Variants in CAPN1 observed in about 807,000 individuals in gnomAD.
CAPN1 encodes the protein calpain-1 catalytic subunit.
Under a neutral mutation model 105.2 loss-of-function variants are expected in CAPN1, and 77 were observed. The observed-to-expected ratio is 0.73, with a 90% CI of 0.61 to 0.88. The LOEUF (loss-of-function observed/expected upper bound fraction) is 0.88, where lower values mean the gene tolerates loss of function less well. Among genes scored for constraint, CAPN1 ranks in the 40% least tolerant of loss-of-function variants. The pLI is 0.00. For synonymous variants in CAPN1, 355 were observed against 388.8 expected, an observed-to-expected ratio of 0.91 and a Z score of 1.02; for missense variants, 833 against 976.6, an observed-to-expected ratio of 0.85 and a Z score of 1.96.
chr11:65,210,226 G>T lies in CAPN1; in HGVS notation c.1943-110G>T. ...CAGCCATCTTGTCCTTTTCCCCACGGTTACTAGCACCCTGCCTAGCCCCAG... is the reference window on the plus strand; with the variant it reads ...CAGCCATCTTGTCCTTTTCCCCACGTTTACTAGCACCCTGCCTAGCCCCAG... On this transcript the variant is annotated intron_variant, in intron 19 of 21. Transcript: ENST00000279247. This position sits in a 1 kb window ranked among gnomAD's most constrained non-coding sequence, Gnocchi z 4.3. 8.9e-7 allele frequency: 1 copy of T among 1,124,242 alleles called. No individual in the cohort carries two copies. Among genetic ancestry groups the T allele is most frequent in the Non-Finnish European group, 1.3e-6 (1 of 752,058 alleles). 69.6% of individuals were successfully genotyped at this position (1,124,242 alleles called of 1,614,324 possible). A position where few individuals can be genotyped will look rare whatever the true frequency, so the allele number is the denominator to read the frequency against.
rs561601246 is a variant in CAPN1 at position 65,210,392 on chromosome 11, G to A, written c.1999G>A (p.Asp667Asn). The A allele has an allele frequency of 2.3e-5, 37 of 1,613,264 alleles. No homozygotes were observed. Among genetic ancestry groups the A allele is most frequent in the Middle Eastern group, 3.3e-4 (2 of 6,084 alleles). The change falls in exon 20 of 22, where the codon GAC (aspartate) becomes AAC (asparagine). Residue 667 changes from aspartate to asparagine, a missense_variant. Transcript: ENST00000279247. This position sits in a 1 kb window ranked among gnomAD's most constrained non-coding sequence, Gnocchi z 4.3. ...ELIITRYSEP[D>N]LAVDFDNFVC... Reference sequence around the variant, plus strand: ...CATCATCACCCGCTACTCGGAGCCCGACCTGGCGGTCGACTTTGACAATTT... The same window carrying A: ...CATCATCACCCGCTACTCGGAGCCCAACCTGGCGGTCGACTTTGACAATTT...
rs1019405632 is a variant in CAPN1, at chr11:65,211,721, C to T, written c.*435C>T. ...AGTCCAGGCGTGTGGAGCCGCCTCC[C>T]GGCTCGGGGAGGCCCCGGGGCTGGG... is the stretch of plus-strand genomic sequence containing the variant. On this transcript the variant is annotated 3_prime_UTR_variant, in exon 22 of 22. Coordinates refer to ENST00000279247, the MANE Select transcript of CAPN1 (RefSeq NM_005186.4). 1.5e-4 allele frequency: 26 copies of T among 173,950 alleles called. No homozygotes were observed. Among genetic ancestry groups the T allele is most frequent in the Admixed American group, 3.5e-4 (6 of 17,100 alleles). The allele number at this position is 173,950 out of a possible 1,614,324, so 10.8% of individuals were successfully genotyped here.
chr11:65,190,146 C>T (rs1441963656), intron 10 of CAPN1, among the ~76,000 whole-genome samples: 1 of 152,252 alleles, frequency 6.6e-6, no homozygotes, highest in East Asian at 1.9e-4. Context: ...AGTCCTCTGT[C>T]TTAACACAAA....
intron 4 of CAPN1, among the ~76,000 whole-genome samples, chr11:65,185,359 T>G (rs962838030): frequency 6.6e-6 from 1 of 152,094 alleles, no homozygotes; most frequent in Non-Finnish European, 1.5e-5. Flanking sequence ...AGTCTTGTTA[T>G]GTAGATGAAA....
chr11:65,200,660 A>G (rs956238063), intron 10 of CAPN1, among the ~76,000 whole-genome samples: 5 of 151,778 alleles, frequency 3.3e-5, no homozygotes, highest in Admixed American at 1.3e-4. Flanking sequence ...TCTTTTTTTG[A>G]GACAGTGTCT....
intron 4 of CAPN1, 152 bp from the exon 5 acceptor site, chr11:65,185,765 A>C: frequency 1.3e-6 from 1 of 752,568 alleles, no homozygotes; most frequent in African/African-American, 1.8e-5. Flanking sequence ...CCTAGTATAC[A>C]TCTAGTATGT....
rs1414687814 is a variant in CAPN1, at chr11:65,210,029, G to A, written c.1875G>A (p.Arg625=). 3.1e-6 allele frequency: 5 copies of A among 1,613,046 alleles called. No homozygotes were observed. The highest frequency in any genetic ancestry group is 1.6e-4 in the Middle Eastern group (1 of 6,080). The change falls in exon 19 of 22, where the codon CGG becomes CGA. Residue 625 remains arginine (R), a synonymous_variant. Coordinates refer to ENST00000279247, the MANE Select transcript of CAPN1 (RefSeq NM_005186.4). The surrounding 1 kb of genome is among the most constrained non-coding windows in gnomAD (Gnocchi z 4.3). ...NRIRNYLSIF[R]KFDLDKSGSM... ...TGCCGCCACCTCAGTCCATCTTCCG[G>A]AAGTTTGACCTGGACAAGTCGGGCA...
In CAPN1 at chr11:65,188,314, G is replaced by A. The variant is rs1948667384; in HGVS notation, c.930-100G>A. On this transcript the variant is annotated intron_variant, in intron 8 of 21. Coordinates refer to ENST00000279247, the MANE Select transcript of CAPN1 (RefSeq NM_005186.4). The surrounding 1 kb of genome is among the most constrained non-coding windows in gnomAD (Gnocchi z 5.5). ...CGCTTGACCTTGAGGAGGCCACCTG[G>A]GCTGGGCCGGGGGAAGACAGGCCAG... 1 of 1,112,442 alleles carries A rather than the reference G, an allele frequency of 9.0e-7. No individual in the cohort carries two copies. The highest frequency in any genetic ancestry group is 1.3e-6 in the Non-Finnish European group (1 of 766,232). The allele number at this position is 1,112,442 out of a possible 1,614,324, so 68.9% of individuals were successfully genotyped here.
At position 65,185,924 on chromosome 11, in the gene CAPN1, A is replaced by G. The variant is rs1199363262; in HGVS notation, c.464A>G (p.Gln155Arg). The G allele has an allele frequency of 6.3e-7, 1 of 1,582,784 alleles. No individual in the cohort carries two copies. Among genetic ancestry groups the G allele is most frequent in the Non-Finnish European group, 8.6e-7 (1 of 1,164,526 alleles). ...CGTGCCCCTCCCCCACAGCTGTGGCAATTTGGGGAGTGGGTGGACGTGGTC... is the reference window on the plus strand; with the variant it reads ...CGTGCCCCTCCCCCACAGCTGTGGCGATTTGGGGAGTGGGTGGACGTGGTC... ...YAGIFHFQLW[Q>R]FGEWVDVVVD... The change falls in exon 5 of 22, where the codon CAA (glutamine) becomes CGA (arginine). Residue 155 changes from glutamine (Q) to arginine (R), a missense_variant. By Grantham distance (43) the Gln-to-Arg change is conservative (BLOSUM62 1). Coordinates refer to ENST00000279247, the MANE Select transcript of CAPN1 (RefSeq NM_005186.4).
rs1949037980 is a variant in CAPN1, at chr11:65,210,859, T to A, written c.2105T>A (p.Phe702Tyr). The A allele has an allele frequency of 6.2e-7, 1 of 1,613,650 alleles. No individual in the cohort carries two copies. Among genetic ancestry groups the A allele is most frequent in the East Asian group, 2.2e-5 (1 of 44,882 alleles). Residue 702 changes from phenylalanine to tyrosine, a missense_variant, in exon 21 of 22, where the codon TTT (phenylalanine) becomes TAT (tyrosine). Physicochemically the swap from Phe to Tyr is conservative, Grantham distance 22. Transcript: ENST00000279247. This position sits in a 1 kb window ranked among gnomAD's most constrained non-coding sequence, Gnocchi z 4.3. ...ACAGATCTGGATGGAGTTGTGACCT[T>A]TGACTTGTTTAAGGTGGGAACCTCC... is the stretch of plus-strand genomic sequence containing the variant. ...LDTDLDGVVT[F>Y]DLFKWLQLTM... is the part of the protein sequence containing the mutation.
chr11:65,206,182 C>T (rs944981902), intron 12 of CAPN1: 1 of 563,962 alleles, frequency 1.8e-6, no homozygotes, highest in East Asian at 3.0e-5. Flanking sequence ...CTGGGGAAAG[C>T]TCCCAGTGAT....
At chr11:65,194,409 A>G (rs567743131) in intron 10 of CAPN1, among the ~76,000 whole-genome samples, 1 of 152,152 alleles carries the variant, frequency 6.6e-6, no homozygotes, top group Non-Finnish European at 1.5e-5. Context: ...ATTTTGATAC[A>G]TAGTGTTTTT....
intron 10 of CAPN1, among the ~76,000 whole-genome samples, chr11:65,200,932 CTTTTTTTTTTTTTTT>C (rs56897147): frequency 0.056 from 2,792 of 49,450 alleles, 143 homozygotes; most frequent in African/African-American, 0.19. Context: ...CCATGCCTGG[CTTTTTTTTTTTTTTT>C]TTTTTTTTTT....
Position 65,188,688 on chromosome 11 carries a change from A to G in CAPN1, c.1107A>G (p.Thr369=). 6.2e-7 allele frequency: 1 copy of G among 1,612,286 alleles called. No homozygotes were observed. Among genetic ancestry groups the G allele is most frequent in the Non-Finnish European group, 8.5e-7 (1 of 1,179,230 alleles). ...KSRTIRKWNT[T]LYEGTWRRGS... ...GGACCATCCGCAAATGGAACACCAC[A>G]CTCTACGAAGGCACCTGGCGGCGGG... Residue 369 remains threonine, a synonymous_variant, in exon 10 of 22, where the codon ACA becomes ACG. Coordinates refer to ENST00000279247, the MANE Select transcript of CAPN1 (RefSeq NM_005186.4). This position sits in a 1 kb window ranked among gnomAD's most constrained non-coding sequence, Gnocchi z 5.5.
chr11:65,195,791 G>A (rs1441751586), intron 10 of CAPN1, among the ~76,000 whole-genome samples: 2 of 152,164 alleles, frequency 1.3e-5, no homozygotes, highest in African/African-American at 4.8e-5. Flanking sequence ...TTATTTAGAA[G>A]AGTTTGAGGA....
At chr11:65,207,336 ATTACAGGCGCACG>A in intron 14 of CAPN1, among the ~76,000 whole-genome samples, 1 of 150,534 alleles carries the variant, frequency 6.6e-6, no homozygotes, top group South Asian at 2.1e-4. Context: ...AGTAGCTGGG[ATTACAGGCGCACG>A]TTACCACACC....
chr11:65,198,857 C>T (rs539792120), intron 10 of CAPN1, among the ~76,000 whole-genome samples: 22 of 152,208 alleles, frequency 1.4e-4, no homozygotes, highest in East Asian at 1.4e-3. Flanking sequence ...GGGCAGTTGA[C>T]GGAGTCGCGC....
intron 5 of CAPN1, 23 bp downstream of exon 5, chr11:65,186,073 A>G (rs1255615084): frequency 6.2e-7 from 1 of 1,609,522 alleles, no homozygotes; most frequent in African/African-American, 1.3e-5. Context: ...TGAGGGGGCA[A>G]CTCCAGCTTC....
rs56897147 is a variant in CAPN1, at chr11:65,200,932, CTTTTTT to C, written c.1166-3726_1166-3721del. On this transcript the variant is annotated intron_variant, in intron 10 of 21. Coordinates refer to ENST00000279247, the MANE Select transcript of CAPN1 (RefSeq NM_005186.4). The stretch of plus-strand genomic sequence containing the variant: ...TACAGATCCATGCCACCATGCCTGG[CTTTTTT>C]TTTTTTTTTTTTTTTTTTTTTTTTG... Among the ~76,000 whole-genome samples, 250 of 49,328 alleles carry C rather than the reference CTTTTTT, an allele frequency of 5.1e-3. 1 individual carries two copies. Among genetic ancestry groups the C allele is most frequent in the African/African-American group, 0.017 (237 of 13,700 alleles). 32.4% of individuals were successfully genotyped at this position (49,328 alleles called of 152,430 possible). A position where few individuals can be genotyped will look rare whatever the true frequency, so the allele number is the denominator to read the frequency against.
Sources: allele counts gnomAD v4.1 joint callset (sites outside exome capture counted in the v4.1 genomes callset), GRCh38; gene constraint gnomAD v4.1.1; non-coding constraint Gnocchi (gnomAD v3.1); transcripts MANE v1.5; gene names NCBI Gene and HGNC (gene_info 2026-07-23, HGNC 2026-07-21).